The following LEFTY2 variants were observed in gnomAD, a reference collection of about 807,000 sequenced individuals.
LEFTY2 encodes TGF-beta-4.
Under a neutral mutation model 26.4 loss-of-function variants are expected in LEFTY2, and 10 were observed. That is an observed-to-expected ratio of 0.38 (90% CI 0.23 to 0.64). LEFTY2 has a LOEUF of 0.64. Ranked by LOEUF, LEFTY2 falls within the 30% of genes least tolerant of loss-of-function variation. The pLI is 0.56. For synonymous variants in LEFTY2, 204 were observed against 234.1 expected (o/e 0.87, Z 1.17); for missense variants, 407 against 502.1 (o/e 0.81, Z 1.81).
At position 225,937,418 on chromosome 1, in the gene LEFTY2, G is replaced by A. The variant is rs191981298; in HGVS notation, c.*23C>T. ...CCTCTATGCACACGTTCAGTTAGAG[G>A]GCTCAATGGATACACCAGGCGCCTA... On this transcript the variant is annotated 3_prime_UTR_variant, in exon 4 of 4. Coordinates refer to ENST00000366820, the MANE Select transcript of LEFTY2 (RefSeq NM_003240.5). 1.2e-6 allele frequency: 2 copies of A among 1,613,740 alleles called. No individual in the cohort carries two copies. Among genetic ancestry groups the A allele is most frequent in the Middle Eastern group, 1.7e-4 (1 of 5,848 alleles).
chr1:225,937,329 C>G lies in LEFTY2; in HGVS notation c.*112G>C. The stretch of plus-strand genomic sequence containing the variant: ...GGAAGGACACAGGGCGAAGGTCACA[C>G]AGGAGCACTAAATTGGGATGGAGTA... On this transcript the variant is annotated 3_prime_UTR_variant, in exon 4 of 4. Transcript: ENST00000366820. The G allele has an allele frequency of 6.4e-7, 1 of 1,559,040 alleles. No homozygotes were observed. The highest frequency in any genetic ancestry group is 1.1e-5 in the South Asian group (1 of 89,472).
At position 225,940,927 on chromosome 1, in the gene LEFTY2, G is replaced by A. The variant is rs141680926; in HGVS notation, c.214C>T (p.Arg72Cys). 7.9e-4 allele frequency: 1,273 copies of A among 1,613,630 alleles called. 3 individuals carry two copies. The highest frequency in any genetic ancestry group is 7.3e-3 in the Middle Eastern group (44 of 6,054). ...TGGCTGAACCTCTTTCCGCGGGAGC[G>A]GTCCCCGTGGCTGCGCCGCAGCAGG... ...VVLLRRSHGD[R>C]SRGKRFSQSF... The change falls in exon 1 of 4, where the codon CGC becomes TGC. Residue 72 changes from arginine (R) to cysteine (C), a missense_variant. Coordinates refer to ENST00000366820, the MANE Select transcript of LEFTY2 (RefSeq NM_003240.5).
At position 225,937,782 on chromosome 1, in the gene LEFTY2, C is replaced by T. The variant is rs775761211; in HGVS notation, c.760G>A (p.Glu254Lys). 1.3e-5 allele frequency: 21 copies of T among 1,611,766 alleles called. No homozygotes were observed. Among genetic ancestry groups the T allele is most frequent in the Middle Eastern group, 1.7e-4 (1 of 5,850 alleles). Residue 254 changes from glutamate (E) to lysine (K), a missense_variant, in exon 4 of 4, where the codon GAA becomes AAA. Coordinates refer to ENST00000366820, the MANE Select transcript of LEFTY2 (RefSeq NM_003240.5). Reference protein sequence around the residue: ...DYGAQGDCDPEAPMTEGTRCC... With the variant: ...DYGAQGDCDPKAPMTEGTRCC... ...CGGGTGCCCTCGGTCATTGGTGCTT[C>T]AGGGTCACAGTCGCCCTGAGCTCTG...
Position 225,937,215 on chromosome 1 carries a change from A to G in LEFTY2, c.*226T>C. 1 of 643,424 alleles carries G rather than the reference A, an allele frequency of 1.6e-6. No homozygotes were observed. The allele number at this position is 643,424 out of a possible 1,614,324, so 39.9% of individuals were successfully genotyped here. A position where few individuals can be genotyped will look rare whatever the true frequency, so the allele number is the denominator to read the frequency against. ...AGCTGTATCTTGTAATCAGCATGCCAGCATTTCCTACTAGAGCTCAGCATC... is the reference window on the plus strand; with the variant it reads ...AGCTGTATCTTGTAATCAGCATGCCGGCATTTCCTACTAGAGCTCAGCATC... On this transcript the variant is annotated 3_prime_UTR_variant, in exon 4 of 4. Coordinates refer to ENST00000366820, the MANE Select transcript of LEFTY2 (RefSeq NM_003240.5).
chr1:225,937,501 C>A lies in LEFTY2; in HGVS notation c.1041G>T (p.Arg347Ser), dbSNP rs1373851430. The A allele has an allele frequency of 1.9e-6, 3 of 1,613,936 alleles. No homozygotes were observed. The highest frequency in any genetic ancestry group is 2.5e-6 in the Non-Finnish European group (3 of 1,180,038). The change falls in exon 4 of 4, where the codon AGG becomes AGT. Residue 347 changes from arginine (R) to serine (S), a missense_variant. By Grantham distance (110) the Arg-to-Ser change is moderately radical. Transcript: ENST00000366820. The part of the protein sequence containing the change: ...RPQVVSLPNM[R>S]VQKCSCASDG... ...CCGAGGCACAGCTGCACTTCTGCACCCTCATGTTGGGCAGGCTGACCACCT... is the reference window on the plus strand; with the variant it reads ...CCGAGGCACAGCTGCACTTCTGCACACTCATGTTGGGCAGGCTGACCACCT...
At chr1:225,940,824 C>T in intron 1 of LEFTY2, 67 bp downstream of exon 1, 1 of 1,610,142 alleles carries the variant, frequency 6.2e-7, no homozygotes, top group Non-Finnish European at 8.5e-7. Flanking sequence ...TTCGACACCT[C>T]CAGAGTGGGC....
At chr1:225,940,112 T>C (rs1378199691) in intron 1 of LEFTY2, 110 bp from the exon 2 acceptor site, 2 of 1,528,418 alleles carry the variant, frequency 1.3e-6, no homozygotes, top group Non-Finnish European at 8.8e-7. Flanking sequence ...CCCTGTTCTA[T>C]CTCTGGGGCA....
At chr1:225,940,850 C>T in intron 1 of LEFTY2, 41 bp downstream of exon 1, 1 of 1,612,538 alleles carries the variant, frequency 6.2e-7, no homozygotes, top group Non-Finnish European at 8.5e-7. Flanking sequence ...CGGCCTGCCC[C>T]CGACCATGGG....
intron 1 of LEFTY2, 193 bp from the exon 2 acceptor site, chr1:225,940,195 C>T: frequency 1.1e-6 from 1 of 910,086 alleles, no homozygotes; most frequent in African/African-American, 1.6e-5. Flanking sequence ...GCAGGGGGGC[C>T]TGTGGGACCC....
In LEFTY2 at chr1:225,937,746, G is replaced by A; in HGVS notation, c.796C>T (p.Gln266Ter). The A allele has an allele frequency of 6.2e-7, 1 of 1,611,728 alleles. No individual in the cohort carries two copies. Among genetic ancestry groups the A allele is most frequent in the Non-Finnish European group, 8.5e-7 (1 of 1,178,368 alleles). ...PMTEGTRCCR[Q>*]EMYIDLQGMK... ...CCCTGCAGGTCAATGTACATCTCCT[G>A]GCGGCAGCAGCGGGTGCCCTCGGTC... Residue 266 changes from glutamine (Q) to a stop codon, truncating the protein, a stop_gained, in exon 4 of 4, where the codon CAG (glutamine) becomes TAG (stop). Coordinates refer to ENST00000366820, the MANE Select transcript of LEFTY2 (RefSeq NM_003240.5). LOFTEE classifies it high-confidence loss of function.
At position 225,939,012 on chromosome 1, in the gene LEFTY2, C is replaced by T. The variant is rs1672228123; in HGVS notation, c.737+349G>A. The stretch of plus-strand genomic sequence containing the variant: ...TCAGCCTCCTGAGTAGCTGGGATTA[C>T]AGGCACGCGCCACCACGCCCGGCTA... On this transcript the variant is annotated intron_variant, in intron 3 of 3. Coordinates refer to ENST00000366820, the MANE Select transcript of LEFTY2 (RefSeq NM_003240.5). This position sits in a 1 kb window ranked among gnomAD's most constrained non-coding sequence, Gnocchi z 4.1. 6.6e-6 allele frequency among the ~76,000 whole-genome samples: 1 copy of T among 151,778 alleles called. No homozygotes were observed. The highest frequency in any genetic ancestry group is 1.5e-5 in the Non-Finnish European group (1 of 67,956).
In LEFTY2 at chr1:225,939,163, G is replaced by C. The variant is rs1672232983; in HGVS notation, c.737+198C>G. On this transcript the variant is annotated intron_variant, in intron 3 of 3. Coordinates refer to ENST00000366820, the MANE Select transcript of LEFTY2 (RefSeq NM_003240.5). The surrounding 1 kb of genome is among the most constrained non-coding windows in gnomAD (Gnocchi z 4.1). ...TAGGATTACAGGTCTGAGCCACCAC[G>C]CCTGGCCAACAATACAATTTCTGCC... Among the ~76,000 whole-genome samples, 1 of 152,110 alleles carries C rather than the reference G, an allele frequency of 6.6e-6. No individual in the cohort carries two copies. Among genetic ancestry groups the C allele is most frequent in the Non-Finnish European group, 1.5e-5 (1 of 68,006 alleles).
rs777013502 is a variant in LEFTY2, at chr1:225,939,712, G to C, written c.497+44C>G. The C allele has an allele frequency of 8.1e-6, 13 of 1,606,728 alleles. No homozygotes were observed. The Admixed American group carries it at 1.5e-4, about 19-fold the overall frequency. On this transcript the variant is annotated intron_variant, in intron 2 of 3. Coordinates refer to ENST00000366820, the MANE Select transcript of LEFTY2 (RefSeq NM_003240.5). The surrounding 1 kb of genome is among the most constrained non-coding windows in gnomAD (Gnocchi z 4.1). ...TGCGTCCCCGCCCCCAAGCCGGGCC[G>C]AGCAGCCTCCTACTCCTGCCCTGCG...
At chr1:225,938,596 C>T (rs1298060946) in intron 3 of LEFTY2, among the ~76,000 whole-genome samples, 1 of 151,890 alleles carries the variant, frequency 6.6e-6, no homozygotes, top group Non-Finnish European at 1.5e-5. Context: ...TCAGGTGACC[C>T]GCTGGCCTCC....
rs1474516415 is a variant in LEFTY2, at chr1:225,939,221, T to C, written c.737+140A>G. ...ACCCTGACATGTAGTGGGCAATCGC[T>C]GGCATCCTGGGACAGTCTGCACCGC... On this transcript the variant is annotated intron_variant, in intron 3 of 3. Transcript: ENST00000366820. This position sits in a 1 kb window ranked among gnomAD's most constrained non-coding sequence, Gnocchi z 4.1. The C allele has an allele frequency of 1.5e-6, 2 of 1,352,966 alleles. No homozygotes were observed. Among genetic ancestry groups the C allele is most frequent in the Non-Finnish European group, 2.0e-6 (2 of 984,316 alleles). 83.8% of individuals were successfully genotyped at this position (1,352,966 alleles called of 1,614,324 possible). A position where few individuals can be genotyped will look rare whatever the true frequency, so the allele number is the denominator to read the frequency against.
rs780843858 is a variant in LEFTY2, at chr1:225,939,625, G to A, written c.498-25C>T. ...CCTGAGACATGATACACACGACACG[G>A]AGACCCAGCGCCGCTTGAGGGCGGG... On this transcript the variant is annotated intron_variant, in intron 2 of 3. Transcript: ENST00000366820. This position sits in a 1 kb window ranked among gnomAD's most constrained non-coding sequence, Gnocchi z 4.1. 1.6e-5 allele frequency: 25 copies of A among 1,612,298 alleles called. No homozygotes were observed. The highest frequency in any genetic ancestry group is 1.7e-4 in the Middle Eastern group (1 of 6,056).
rs1672192640 is a variant in LEFTY2, at chr1:225,937,759, G to A, written c.783C>T (p.Thr261=). The part of the protein sequence containing the change: ...CDPEAPMTEG[T]RCCRQEMYID... The stretch of plus-strand genomic sequence containing the variant: ...TGTACATCTCCTGGCGGCAGCAGCG[G>A]GTGCCCTCGGTCATTGGTGCTTCAG... Residue 261 remains threonine, a synonymous_variant, in exon 4 of 4, where the codon ACC becomes ACT. Coordinates refer to ENST00000366820, the MANE Select transcript of LEFTY2 (RefSeq NM_003240.5). 6.2e-7 allele frequency: 1 copy of A among 1,611,200 alleles called. No homozygotes were observed. The highest frequency in any genetic ancestry group is 8.5e-7 in the Non-Finnish European group (1 of 1,178,198).
rs1363633316 is a variant in LEFTY2, at chr1:225,937,807, G to T, written c.738-3C>A. ...CAGGGTCACAGTCGCCCTGAGCTCT[G>T]TGTGGGCAAGGAGAGCAGGGTCAGA... On this transcript the variant is annotated splice_polypyrimidine_tract_variant and splice_region_variant and intron_variant, in intron 3 of 3. Transcript: ENST00000366820. The T allele has an allele frequency of 6.2e-7, 1 of 1,604,102 alleles. No individual in the cohort carries two copies. The highest frequency in any genetic ancestry group is 2.2e-5 in the East Asian group (1 of 44,480).
chr1:225,939,161 AC>A lies in LEFTY2; in HGVS notation c.737+199del, dbSNP rs1223261254. Among the ~76,000 whole-genome samples the A allele has an allele frequency of 6.6e-6, 1 of 151,828 alleles. No individual in the cohort carries two copies. On this transcript the variant is annotated intron_variant, in intron 3 of 3. Transcript: ENST00000366820. This position sits in a 1 kb window ranked among gnomAD's most constrained non-coding sequence, Gnocchi z 4.1. ...GCTAGGATTACAGGTCTGAGCCACCACGCCTGGCCAACAATACAATTTCTGC... is the reference window on the plus strand; with the variant it reads ...GCTAGGATTACAGGTCTGAGCCACCAGCCTGGCCAACAATACAATTTCTGC...
Sources: allele counts gnomAD v4.1 joint callset (sites outside exome capture counted in the v4.1 genomes callset), GRCh38; gene constraint gnomAD v4.1.1; non-coding constraint Gnocchi (gnomAD v3.1); transcripts MANE v1.5; gene names NCBI Gene and HGNC (gene_info 2026-07-23, HGNC 2026-07-21).